The following CUX1 variants were observed in gnomAD, a reference collection of about 807,000 sequenced individuals.
The protein encoded by CUX1 is protein CASP.
Under a neutral mutation model 158.8 loss-of-function variants are expected in CUX1, and 31 were observed. The ratio of observed to expected loss-of-function variants is 0.20; its 90% CI spans 0.15 to 0.26. The LOEUF is 0.26. Ranked by LOEUF, CUX1 falls within the 10% of genes least tolerant of loss-of-function variation. CUX1 has a pLI of 1.00. For missense variants in CUX1, 1,589 were observed against 2,014.6 expected (o/e 0.79, Z 4.04); for synonymous variants, 879 against 862.1 (o/e 1.02, Z -0.34).
intron 1 of CUX1, among the ~76,000 whole-genome samples, chr7:101,846,380 G>A (rs1795690709): frequency 6.6e-6 from 1 of 151,712 alleles, no homozygotes; most frequent in Non-Finnish European, 1.5e-5. Context: ...GTGCAGTGGT[G>A]CAATCCTAGC....
At chr7:101,871,875 G>T (rs1038869412) in intron 1 of CUX1, among the ~76,000 whole-genome samples, 1 of 151,956 alleles carries the variant, frequency 6.6e-6, no homozygotes, top group Non-Finnish European at 1.5e-5. Context: ...AAAATTGACT[G>T]GGCATGGCAG....
intron 2 of CUX1, among the ~76,000 whole-genome samples, chr7:102,004,353 T>C (rs1323483318): frequency 6.6e-6 from 1 of 152,146 alleles, no homozygotes; most frequent in Non-Finnish European, 1.5e-5. Flanking sequence ...CCTGACCTGG[T>C]GGTGGAATTG....
In CUX1 at chr7:102,195,515, C is replaced by T. The variant is rs946985028; in HGVS notation, c.1134C>T (p.Ala378=). The T allele has an allele frequency of 6.2e-7, 1 of 1,611,958 alleles. No homozygotes were observed. The change falls in exon 14 of 24, where the codon GCC becomes GCT. Residue 378 remains alanine (A), a synonymous_variant. Transcript: ENST00000292535. ...CGCTCTGCCCCTTCTAGGATGCGGC[C>T]AAGCCCCTGGAGGTGCTGTTGCTGG... ...PSEGAGTQDA[A]KPLEVLLLEK...
chr7:101,874,063 G>C (rs1274383375), intron 1 of CUX1, among the ~76,000 whole-genome samples: 1 of 152,202 alleles, frequency 6.6e-6, no homozygotes, highest in East Asian at 1.9e-4. Flanking sequence ...AGAGTAAACT[G>C]TAAATCATAT....
intron 1 of CUX1, among the ~76,000 whole-genome samples, chr7:101,868,156 A>C (rs1246003861): frequency 6.6e-6 from 1 of 152,166 alleles, no homozygotes; most frequent in Non-Finnish European, 1.5e-5. Flanking sequence ...CCAACTTGTG[A>C]GTAGAATCAT....
rs2131981845 is a variant in CUX1, at chr7:102,196,839, A to C, written c.1428A>C (p.Gly476=). The change falls in exon 15 of 24, where the codon GGA becomes GGC. Residue 476 remains glycine, a synonymous_variant. Coordinates refer to ENST00000292535, the MANE Select transcript of CUX1 (RefSeq NM_181552.4). ...ASPSLPLAST[G]KFALNSLLQR... ...CCAGCCTACCCCTGGCTTCTACAGGAAAATTTGCACTAAACTCTCTTCTCC... is the reference window on the plus strand; with the variant it reads ...CCAGCCTACCCCTGGCTTCTACAGGCAAATTTGCACTAAACTCTCTTCTCC... The C allele has an allele frequency of 6.2e-7, 1 of 1,614,194 alleles. No homozygotes were observed. Among genetic ancestry groups the C allele is most frequent in the East Asian group, 2.2e-5 (1 of 44,876 alleles).
chr7:102,196,437 G>T (rs1251748683), intron 14 of CUX1, among the ~76,000 whole-genome samples, 197 bp from the exon 15 acceptor site: 5 of 152,244 alleles, frequency 3.3e-5, no homozygotes, highest in African/African-American at 1.2e-4. Context: ...CATGTTGCTT[G>T]TTTTGGGAAG....
chr7:102,252,107 T>C lies in CUX1; in HGVS notation c.*3065T>C. 1 of 984,548 alleles carries C rather than the reference T, an allele frequency of 1.0e-6. No individual in the cohort carries two copies. Among genetic ancestry groups the C allele is most frequent in the Non-Finnish European group, 1.2e-6 (1 of 829,120 alleles). 61.0% of individuals were successfully genotyped at this position (984,548 alleles called of 1,614,324 possible). The stretch of plus-strand genomic sequence containing the variant: ...TTGCTTGCAGTTCTGTGTATTTTTT[T>C]TCCTCTATTATTTATTTTTTTAAAA... On this transcript the variant is annotated 3_prime_UTR_variant, in exon 24 of 24. Coordinates refer to ENST00000292535, the MANE Select transcript of CUX1 (RefSeq NM_181552.4).
At chr7:102,157,075 G>A (rs1420008475) in intron 8 of CUX1, among the ~76,000 whole-genome samples, 1 of 152,200 alleles carries the variant, frequency 6.6e-6, no homozygotes, top group Non-Finnish European at 1.5e-5. Flanking sequence ...GCCGAGGAAG[G>A]CCTGGCTCTT....
intron 20 of CUX1, among the ~76,000 whole-genome samples, chr7:102,223,269 T>G (rs1161559613): frequency 1.3e-5 from 2 of 151,984 alleles, no homozygotes; most frequent in East Asian, 3.9e-4. Flanking sequence ...TTTTTTAAAG[T>G]TTAAAAAAAG....
At chr7:102,021,937 A>G (rs949539017) in intron 2 of CUX1, among the ~76,000 whole-genome samples, 1 of 152,096 alleles carries the variant, frequency 6.6e-6, no homozygotes, top group Admixed American at 6.5e-5. Context: ...CTATGTGTGC[A>G]TTGTGTTTGT....
intron 1 of CUX1, among the ~76,000 whole-genome samples, chr7:101,838,688 A>G (rs1794896137): frequency 6.6e-6 from 1 of 151,774 alleles, no homozygotes; most frequent in Admixed American, 6.6e-5. Flanking sequence ...CTGTAGTCCT[A>G]GTTACTTGGA....
intron 20 of CUX1, among the ~76,000 whole-genome samples, chr7:102,219,154 T>C (rs1156592017): frequency 6.6e-6 from 1 of 151,600 alleles, no homozygotes; most frequent in African/African-American, 2.4e-5. Context: ...CCAGAGACTT[T>C]GAGTTCATCT....
At chr7:102,173,572 T>A (rs1252632480) in intron 10 of CUX1, among the ~76,000 whole-genome samples, 3 of 152,060 alleles carry the variant, frequency 2.0e-5, no homozygotes, top group African/African-American at 7.2e-5. Flanking sequence ...CAGGACAGGG[T>A]CAGCGGCTTC....
chr7:102,037,065 G>A (rs942271266), intron 3 of CUX1, among the ~76,000 whole-genome samples: 9 of 152,074 alleles, frequency 5.9e-5, no homozygotes, highest in African/African-American at 9.7e-5. Context: ...GATGGCACAC[G>A]CCTGTAGTCC....
At position 102,257,193 on chromosome 7, in the gene CUX1, A is replaced by T; in HGVS notation, c.*8151A>T. 1 of 985,348 alleles carries T rather than the reference A, an allele frequency of 1.0e-6. No individual in the cohort carries two copies. The highest frequency in any genetic ancestry group is 5.2e-4 in the Middle Eastern group (1 of 1,914). 61.0% of individuals were successfully genotyped at this position (985,348 alleles called of 1,614,324 possible). On this transcript the variant is annotated 3_prime_UTR_variant, in exon 24 of 24. Coordinates refer to ENST00000292535, the MANE Select transcript of CUX1 (RefSeq NM_181552.4). ...CACCCCAAGGTAGGCTGGGAAGAGC[A>T]TCTCTTTCCATATCATCACCTCCCC...
chr7:101,982,003 A>G (rs946983766), intron 2 of CUX1, among the ~76,000 whole-genome samples: 1 of 152,232 alleles, frequency 6.6e-6, no homozygotes, highest in Non-Finnish European at 1.5e-5. Flanking sequence ...GTATTCACCA[A>G]GATGGCCTAA....
At chr7:102,238,958 C>T (rs2132487823) in intron 22 of CUX1, among the ~76,000 whole-genome samples, 1 of 152,328 alleles carries the variant, frequency 6.6e-6, no homozygotes, top group Non-Finnish European at 1.5e-5. Flanking sequence ...GGCACCATCT[C>T]ATCTCACTGC....
Position 101,941,922 on chromosome 7 carries a change from T to TTC in CUX1, c.141+25706_141+25707dup, listed in dbSNP as rs1348938480. 4.6e-5 allele frequency among the ~76,000 whole-genome samples: 7 copies of TTC among 152,216 alleles called. No individual in the cohort carries two copies. The East Asian group carries it at 1.3e-3, about 29-fold the overall frequency. On this transcript the variant is annotated intron_variant, in intron 2 of 23. Transcript: ENST00000292535. ...AAAACCACAGACACAAGGGAAAGGT[T>TTC]TCTCTCTCTCCCTCCCCCTCTCTCT...
Sources: allele counts gnomAD v4.1 joint callset (sites outside exome capture counted in the v4.1 genomes callset), GRCh38; gene constraint gnomAD v4.1.1; transcripts MANE v1.5; gene names NCBI Gene and HGNC (gene_info 2026-07-23, HGNC 2026-07-21).